Variants in KRAS observed in about 807,000 individuals in gnomAD.
The protein encoded by KRAS is KRas proto-oncogene, GTPase.
Under a neutral mutation model 21.0 loss-of-function variants are expected in KRAS, and 1 was observed. The observed-to-expected ratio is 0.05, with a 90% CI of 0.02 to 0.23. The LOEUF (loss-of-function observed/expected upper bound fraction) is 0.23, where lower values mean the gene tolerates loss of function less well. Among genes scored for constraint, KRAS ranks in the 10% least tolerant of loss-of-function variants. The pLI, the probability that KRAS is intolerant of heterozygous loss-of-function variation, is 1.00. For missense variants in KRAS, 107 were observed against 221.8 expected (o/e 0.48, Z 3.29); for synonymous variants, 67 against 72.5 (o/e 0.92, Z 0.39).
At chr12:25,210,580 A>T (rs1051129940) in intron 4 of KRAS, 1 of 151,900 alleles carries the variant, frequency 6.6e-6, no homozygotes, top group Non-Finnish European at 1.5e-5. Context: ...ATACCACTTT[A>T]AAAAAAACAC....
chr12:25,220,228 G>C (rs1951303968), intron 4 of KRAS, among the ~76,000 whole-genome samples: 1 of 152,148 alleles, frequency 6.6e-6, no homozygotes. Context: ...CAACAACCCA[G>C]ATAAATGTGA....
chr12:25,234,737 C>T (rs1399974119), intron 2 of KRAS: 2 of 190,280 alleles, frequency 1.1e-5, no homozygotes, highest in African/African-American at 4.7e-5. Flanking sequence ...TTAACCAGAA[C>T]ATCAAGTTTG....
chr12:25,227,223 T>C lies in KRAS; in HGVS notation c.290+11A>G, dbSNP rs1319644918. ...CTTAATGTCAGCTTATTATATTCAA[T>C]TTAAACCCACCTATAATGGTGAATA... is the stretch of plus-strand genomic sequence containing the variant. On this transcript the variant is annotated intron_variant, in intron 3 of 4. Transcript: ENST00000311936. 6.3e-7 allele frequency: 1 copy of C among 1,599,698 alleles called. No homozygotes were observed. The highest frequency in any genetic ancestry group is 8.6e-7 in the Non-Finnish European group (1 of 1,167,134).
intron 4 of KRAS, among the ~76,000 whole-genome samples, chr12:25,217,669 A>G (rs1474330663): frequency 1.3e-5 from 2 of 152,138 alleles, no homozygotes; most frequent in Admixed American, 1.3e-4. Flanking sequence ...TGTGGTGACT[A>G]ATGCCTGTAG....
intron 4 of KRAS, among the ~76,000 whole-genome samples, chr12:25,217,357 TAA>T (rs893905883): frequency 3.9e-5 from 6 of 152,324 alleles, no homozygotes; most frequent in African/African-American, 1.4e-4. Flanking sequence ...AATTTACCTC[TAA>T]AGTCAAACTT....
At chr12:25,216,859 G>A (rs1187779270) in intron 4 of KRAS, among the ~76,000 whole-genome samples, 1 of 152,140 alleles carries the variant, frequency 6.6e-6, no homozygotes, top group Non-Finnish European at 1.5e-5. Flanking sequence ...GAAATACACA[G>A]AAATATTAAT....
chr12:25,231,757 G>T (rs1592812394), intron 2 of KRAS, among the ~76,000 whole-genome samples: 1 of 152,178 alleles, frequency 6.6e-6, no homozygotes, highest in Admixed American at 6.5e-5. Flanking sequence ...AGTATTTTTA[G>T]AGTTAATTTT....
rs1454366286 is a variant in KRAS, at chr12:25,208,372, T to C, written c.*1423A>G. On this transcript the variant is annotated 3_prime_UTR_variant, in exon 5 of 5. Transcript: ENST00000311936. ...TAACATTTTAAATTTATCAAAAGGA[T>C]TGTTTTTATTTTTATTTTAAAGCAT... 2 of 232,930 alleles carry C rather than the reference T, an allele frequency of 8.6e-6. No individual in the cohort carries two copies. Among genetic ancestry groups the C allele is most frequent in the Non-Finnish European group, 1.7e-5 (2 of 117,742 alleles). The allele number at this position is 232,930 out of a possible 1,614,324, so 14.4% of individuals were successfully genotyped here. A position where few individuals can be genotyped will look rare whatever the true frequency, so the allele number is the denominator to read the frequency against.
chr12:25,224,990 T>C (rs753280341), intron 4 of KRAS: 4 of 152,104 alleles, frequency 2.6e-5, no homozygotes, highest in Non-Finnish European at 5.9e-5. Flanking sequence ...AATTATTTTA[T>C]TTTACCTGAA....
At chr12:25,226,686 A>G (rs2141508205) in intron 3 of KRAS, among the ~76,000 whole-genome samples, 1 of 152,330 alleles carries the variant, frequency 6.6e-6, no homozygotes, top group Middle Eastern at 3.4e-3. Flanking sequence ...CCCTCAAAGA[A>G]ATAGAATATA....
At chr12:25,213,761 A>G (rs1481448897) in intron 4 of KRAS, among the ~76,000 whole-genome samples, 1 of 152,242 alleles carries the variant, frequency 6.6e-6, no homozygotes, top group Non-Finnish European at 1.5e-5. Context: ...TCTTAAGAAC[A>G]TGATATATTA....
At chr12:25,235,079 C>T (rs1951527281) in intron 2 of KRAS, 1 of 385,514 alleles carries the variant, frequency 2.6e-6, no homozygotes, top group Admixed American at 4.3e-5. Context: ...CATCTTCATT[C>T]TGCCAATTCC....
In KRAS at chr12:25,209,250, C is replaced by T. The variant is rs867750619; in HGVS notation, c.*545G>A. The T allele has an allele frequency of 4.0e-5, 27 of 681,858 alleles. No individual in the cohort carries two copies. The highest frequency in any genetic ancestry group is 8.2e-5 in the East Asian group (3 of 36,434). The allele number at this position is 681,858 out of a possible 1,614,324, so 42.2% of individuals were successfully genotyped here. On this transcript the variant is annotated 3_prime_UTR_variant, in exon 5 of 5. Coordinates refer to ENST00000311936, the MANE Select transcript of KRAS (RefSeq NM_004985.5). ...ATGACTAATAGCAGTGGAAAGGAGA[C>T]AAAACCTTTGTGAACAGTGTAACTT...
At position 25,207,768 on chromosome 12, in the gene KRAS, C is replaced by T. The variant is rs1951154407; in HGVS notation, c.*2027G>A. The T allele has an allele frequency of 4.3e-6, 1 of 232,822 alleles. No homozygotes were observed. The highest frequency in any genetic ancestry group is 2.2e-5 in the African/African-American group (1 of 45,300). The allele number at this position is 232,822 out of a possible 1,614,324, so 14.4% of individuals were successfully genotyped here. On this transcript the variant is annotated 3_prime_UTR_variant, in exon 5 of 5. Coordinates refer to ENST00000311936, the MANE Select transcript of KRAS (RefSeq NM_004985.5). ...AAGAGATGTTCAAAGCATCAGCCAC[C>T]ACCTGAAAATTAGTGATTAGGTCAA...
chr12:25,219,146 C>G (rs1008898776), intron 4 of KRAS, among the ~76,000 whole-genome samples: 6 of 151,986 alleles, frequency 3.9e-5, no homozygotes, highest in African/African-American at 1.5e-4. Context: ...CCATATTGCC[C>G]AGGCTGGTCT....
rs150334904 is a variant in KRAS, at chr12:25,209,602, G to A, written c.*193C>T. ...TTGCTAGTTCAAAAACCAAAACTCT[G>A]GGAATACTGGCACTTAGAGGAAAAA... is the stretch of plus-strand genomic sequence containing the variant. On this transcript the variant is annotated 3_prime_UTR_variant, in exon 5 of 5. Transcript: ENST00000311936. The A allele has an allele frequency of 2.8e-4, 377 of 1,344,482 alleles. 5 individuals carry two copies. In the East Asian group the frequency reaches 9.1e-3, roughly 33 times the overall value. 83.3% of individuals were successfully genotyped at this position (1,344,482 alleles called of 1,614,324 possible). A position where few individuals can be genotyped will look rare whatever the true frequency, so the allele number is the denominator to read the frequency against.
At chr12:25,216,220 T>G (rs1951253645) in intron 4 of KRAS, among the ~76,000 whole-genome samples, 1 of 152,224 alleles carries the variant, frequency 6.6e-6, no homozygotes, top group Admixed American at 6.5e-5. Context: ...TATAAAAACA[T>G]CATGAATTAA....
At chr12:25,217,954 G>A (rs958878838) in intron 4 of KRAS, among the ~76,000 whole-genome samples, 1 of 151,734 alleles carries the variant, frequency 6.6e-6, no homozygotes, top group African/African-American at 2.4e-5. Flanking sequence ...AGAAGGAAAG[G>A]GTTTATTATT....
chr12:25,248,992 A>C (rs1951726272), intron 1 of KRAS, among the ~76,000 whole-genome samples: 1 of 152,242 alleles, frequency 6.6e-6, no homozygotes, highest in Non-Finnish European at 1.5e-5. Flanking sequence ...TTCTGAGCTG[A>C]TAATTACAAA....
Sources: gnomAD v4.1 joint callset for allele counts (sites outside exome capture counted in the v4.1 genomes callset) on GRCh38, gnomAD v4.1.1 for gene constraint, MANE v1.5 for transcripts, NCBI Gene and HGNC (gene_info 2026-07-23, HGNC 2026-07-21) for gene names.